The following DAB1 variants were observed in gnomAD, a reference collection of about 807,000 sequenced individuals.
DAB1 encodes the protein disabled homolog 1.
Under a neutral mutation model 64.6 loss-of-function variants are expected in DAB1, and 15 were observed. The observed-to-expected ratio is 0.23, with a 90% CI of 0.16 to 0.36. The LOEUF is 0.36. Among genes scored for constraint, DAB1 ranks in the 10% least tolerant of loss-of-function variants. DAB1 has a pLI of 1.00. For synonymous variants in DAB1, 235 were observed against 251.9 expected (o/e 0.93, Z 0.64); for missense variants, 596 against 706.7 (o/e 0.84, Z 1.78).
chr1:57,109,311 C>T (rs1396228762), intron 4 of DAB1, among the ~76,000 whole-genome samples: 1 of 152,136 alleles, frequency 6.6e-6, no homozygotes, highest in Non-Finnish European at 1.5e-5. Context: ...GTCTGGCACC[C>T]AATTTATGAC....
chr1:58,151,445 G>T (rs1041366357), intron 4 of DAB1, among the ~76,000 whole-genome samples: 1 of 152,220 alleles, frequency 6.6e-6, no homozygotes, highest in Non-Finnish European at 1.5e-5. Flanking sequence ...GATGGCCAGT[G>T]ATGAGAGCAT....
At chr1:57,483,136 G>A (rs1027196648) in intron 7 of DAB1, among the ~76,000 whole-genome samples, 10 of 152,184 alleles carry the variant, frequency 6.6e-5, no homozygotes, top group Non-Finnish European at 1.3e-4. Flanking sequence ...ATGCCAAAAT[G>A]TGCATTTCTT....
intron 6 of DAB1, among the ~76,000 whole-genome samples, chr1:57,655,333 A>C (rs556602508): frequency 1.3e-5 from 2 of 151,730 alleles, no homozygotes; most frequent in Non-Finnish European, 2.9e-5. Flanking sequence ...TCCACCCTAC[A>C]TACTTCATCA....
At chr1:58,259,561 A>G (rs886554520) in intron 4 of DAB1, among the ~76,000 whole-genome samples, 2 of 152,184 alleles carry the variant, frequency 1.3e-5, no homozygotes, top group African/African-American at 4.8e-5. Context: ...CCTATAGGCC[A>G]TAAGTTCCTG....
chr1:57,823,295 AAAAAG>A (rs1652204296), downstream of DAB1, among the ~76,000 whole-genome samples: 4 of 152,192 alleles, frequency 2.6e-5, no homozygotes, highest in South Asian at 8.3e-4. Context: ...AAAAATTTTT[AAAAAG>A]AAAAGAAAAG....
chr1:57,095,101 G>C (rs1287674617), intron 4 of DAB1, among the ~76,000 whole-genome samples: 1 of 152,142 alleles, frequency 6.6e-6, no homozygotes, highest in African/African-American at 2.4e-5. Flanking sequence ...TTCAGGCTGG[G>C]TTGACTCGTT....
chr1:58,031,905 A>G (rs2100481807), intron 5 of DAB1, among the ~76,000 whole-genome samples: 1 of 151,538 alleles, frequency 6.6e-6, no homozygotes, highest in Non-Finnish European at 1.5e-5. Flanking sequence ...TCCCTTCTAT[A>G]CCCTCATTTC....
At chr1:57,851,662 C>T (rs1400712437) in intron 1 of DAB1, among the ~76,000 whole-genome samples, 1 of 152,212 alleles carries the variant, frequency 6.6e-6, no homozygotes, top group East Asian at 1.9e-4. Flanking sequence ...GCCTGCAAAA[C>T]ATAGATATTA....
intron 7 of DAB1, among the ~76,000 whole-genome samples, chr1:57,523,664 G>A (rs962477048): frequency 1.3e-5 from 2 of 152,214 alleles, no homozygotes; most frequent in Non-Finnish European, 2.9e-5. Flanking sequence ...GCTCACACCT[G>A]TAATCCCAGC....
At chr1:58,172,749 T>G (rs371297213) in intron 4 of DAB1, among the ~76,000 whole-genome samples, 1 of 152,180 alleles carries the variant, frequency 6.6e-6, no homozygotes, top group East Asian at 1.9e-4. Flanking sequence ...GTAACTGTAG[T>G]TGAAAGTAAG....
At chr1:58,390,244 C>A (rs909761267) in intron 3 of DAB1, among the ~76,000 whole-genome samples, 1 of 152,128 alleles carries the variant, frequency 6.6e-6, no homozygotes, top group Admixed American at 6.5e-5. Flanking sequence ...ACCCCTACCC[C>A]CAGCCATCAG....
chr1:58,228,819 T>C (rs1659636502), intron 4 of DAB1: 1 of 693,970 alleles, frequency 1.4e-6, no homozygotes, highest in African/African-American at 1.8e-5. Flanking sequence ...CCAGTCCAGG[T>C]AGACATAACC....
At chr1:58,039,079 T>A (rs140570698) in intron 5 of DAB1, among the ~76,000 whole-genome samples, 2 of 152,310 alleles carry the variant, frequency 1.3e-5, no homozygotes, top group South Asian at 2.1e-4. Context: ...GTATTTCTGA[T>A]GCTTTGATGT....
At chr1:57,496,765 G>A (rs1183866804) in intron 7 of DAB1, among the ~76,000 whole-genome samples, 1 of 152,166 alleles carries the variant, frequency 6.6e-6, no homozygotes, top group African/African-American at 2.4e-5. Context: ...CTGAGGAACA[G>A]AGAGAACATG....
chr1:58,213,987 C>T (rs1172869716), intron 4 of DAB1, among the ~76,000 whole-genome samples: 1 of 152,194 alleles, frequency 6.6e-6, no homozygotes, highest in African/African-American at 2.4e-5. Flanking sequence ...CTTGTGCCCA[C>T]TTAACTCTAT....
chr1:58,240,672 G>A (rs985993446), intron 4 of DAB1, among the ~76,000 whole-genome samples: 1 of 152,136 alleles, frequency 6.6e-6, no homozygotes, highest in African/African-American at 2.4e-5. Context: ...AACAAAGAAA[G>A]AAACTAAAAA....
intron 1 of DAB1, among the ~76,000 whole-genome samples, chr1:57,334,003 A>C (rs1427359828): frequency 6.6e-6 from 1 of 152,208 alleles, no homozygotes; most frequent in African/African-American, 2.4e-5. Context: ...AAGTGGTACA[A>C]TTGAAGCAGG....
At chr1:57,754,412 A>G (rs903612648) in intron 6 of DAB1, among the ~76,000 whole-genome samples, 8 of 152,174 alleles carry the variant, frequency 5.3e-5, no homozygotes, top group African/African-American at 1.9e-4. Flanking sequence ...TCGGCTGGGC[A>G]CGGTGGCTCA....
At chr1:58,185,296 C>A (rs1657014387) in intron 4 of DAB1, among the ~76,000 whole-genome samples, 1 of 152,144 alleles carries the variant, frequency 6.6e-6, no homozygotes, top group African/African-American at 2.4e-5. Context: ...TATCTGCAGG[C>A]ATCTGAAGTT....
Sources: allele counts gnomAD v4.1 joint callset (sites outside exome capture counted in the v4.1 genomes callset), GRCh38; gene constraint gnomAD v4.1.1; transcripts MANE v1.5; gene names NCBI Gene and HGNC (gene_info 2026-07-23, HGNC 2026-07-21).